The following PRKN variants were observed in gnomAD, a reference collection of about 807,000 sequenced individuals.
The protein encoded by PRKN is parkin RBR E3 ubiquitin protein ligase.
Under a neutral mutation model 59.5 loss-of-function variants are expected in PRKN, and 56 were observed. The ratio of observed to expected loss-of-function variants is 0.94; its 90% CI spans 0.76 to 1.18. The LOEUF is 1.18. Ranked by LOEUF, PRKN falls within the 50% of genes most tolerant of loss-of-function variation. The probability of loss-of-function intolerance (pLI) is 0.00; values close to 1 mark genes in which losing one functional copy is unlikely to be tolerated. For missense variants in PRKN, 657 were observed against 596.4 expected (o/e 1.10, Z -1.06); for synonymous variants, 250 against 222.1 (o/e 1.13, Z -1.12).
chr6:161,734,070 A>G (rs4410712), intron 7 of PRKN, among the ~76,000 whole-genome samples: 14,650 of 151,532 alleles, frequency 0.097, 1,379 homozygotes, highest in African/African-American at 0.24. Context: ...AAGTTTCCCT[A>G]AAGTTCATCT....
At chr6:161,612,034 G>T (rs1490612585) in intron 7 of PRKN, among the ~76,000 whole-genome samples, 2 of 152,196 alleles carry the variant, frequency 1.3e-5, no homozygotes, top group Admixed American at 6.5e-5. Context: ...CCAGAGCAAG[G>T]CCCTCTCTTC....
chr6:162,239,485 G>A (rs1778895209), intron 3 of PRKN, among the ~76,000 whole-genome samples: 1 of 151,916 alleles, frequency 6.6e-6, no homozygotes, highest in East Asian at 1.9e-4. Context: ...TGGTTAAGCG[G>A]CAAGCCCAGA....
chr6:161,842,272 G>A (rs62436136), intron 6 of PRKN, among the ~76,000 whole-genome samples: 3,751 of 151,992 alleles, frequency 0.025, 64 homozygotes, highest in Middle Eastern at 0.045. Flanking sequence ...GCCAAGGCAG[G>A]CACACTTAAG....
chr6:161,656,928 C>T (rs762152470), intron 7 of PRKN, among the ~76,000 whole-genome samples: 22 of 152,154 alleles, frequency 1.4e-4, no homozygotes, highest in African/African-American at 2.2e-4. Context: ...CGAATGTCAA[C>T]GAAGACGGGG....
At chr6:161,965,850 G>A (rs1388495081) in intron 6 of PRKN, among the ~76,000 whole-genome samples, 1 of 152,012 alleles carries the variant, frequency 6.6e-6, no homozygotes, top group Non-Finnish European at 1.5e-5. Context: ...AAAAGACTGT[G>A]GAGACCAAGG....
chr6:161,941,478 A>G (rs949073318), intron 6 of PRKN, among the ~76,000 whole-genome samples: 16 of 152,230 alleles, frequency 1.1e-4, no homozygotes, highest in Non-Finnish European at 1.5e-4. Context: ...GAGCTACTCA[A>G]TAAAACCTCA....
intron 5 of PRKN, among the ~76,000 whole-genome samples, chr6:162,034,028 C>G (rs977982752): frequency 1.3e-4 from 20 of 152,034 alleles, no homozygotes; most frequent in Admixed American, 2.0e-4. Context: ...TATAAACGAT[C>G]TTTGGGAATA....
intron 6 of PRKN, among the ~76,000 whole-genome samples, chr6:161,885,786 G>T (rs1795126829): frequency 6.6e-6 from 1 of 151,790 alleles, no homozygotes; most frequent in African/African-American, 2.4e-5. Context: ...TAAAAATTTT[G>T]AAAATATAAA....
chr6:161,779,129 G>T (rs1458584314), intron 7 of PRKN, among the ~76,000 whole-genome samples: 1 of 151,726 alleles, frequency 6.6e-6, no homozygotes, highest in Non-Finnish European at 1.5e-5. Flanking sequence ...CACTGGACAC[G>T]GGGTTTCACC....
intron 5 of PRKN, among the ~76,000 whole-genome samples, chr6:162,012,612 T>A (rs1237432325): frequency 6.6e-6 from 1 of 152,160 alleles, no homozygotes; most frequent in Non-Finnish European, 1.5e-5. Context: ...ACTGATAGAA[T>A]GCTGTTACCT....
intron 6 of PRKN, among the ~76,000 whole-genome samples, chr6:161,875,746 A>C (rs948697603): frequency 2.0e-5 from 3 of 152,122 alleles, no homozygotes; most frequent in Admixed American, 6.5e-5. Context: ...GACTGTCAGC[A>C]TTCACCTAAC....
At chr6:161,718,502 T>C (rs1787082919) in intron 7 of PRKN, among the ~76,000 whole-genome samples, 1 of 152,108 alleles carries the variant, frequency 6.6e-6, no homozygotes, top group South Asian at 2.1e-4. Context: ...CCAAGGAAAC[T>C]AGTCAATGAA....
At chr6:161,966,548 T>C (rs971088485) in intron 6 of PRKN, among the ~76,000 whole-genome samples, 3 of 152,198 alleles carry the variant, frequency 2.0e-5, no homozygotes, top group African/African-American at 7.2e-5. Context: ...GTAACTTCTA[T>C]TGGAAAGACT....
intron 9 of PRKN, among the ~76,000 whole-genome samples, chr6:161,394,582 T>C (rs916250891): frequency 1.3e-5 from 2 of 152,154 alleles, no homozygotes; most frequent in African/African-American, 4.8e-5. Flanking sequence ...CCAACATCTA[T>C]CATCATGCGC....
rs540101224 is a variant in PRKN, at chr6:161,579,066, G to A, written c.872-9650C>T. Among the ~76,000 whole-genome samples the A allele has an allele frequency of 6.6e-6, 1 of 152,182 alleles. No homozygotes were observed. The highest frequency in any genetic ancestry group is 1.5e-5 in the Non-Finnish European group (1 of 68,032). ...AATGGGAGGCTCTCAGAGTGAAAAGGGATCCTTATCCATTATTTTCTTTCT... is the reference window on the plus strand; with the variant it reads ...AATGGGAGGCTCTCAGAGTGAAAAGAGATCCTTATCCATTATTTTCTTTCT... On this transcript the variant is annotated intron_variant, in intron 7 of 11. Transcript: ENST00000366898. This position sits in a 1 kb window ranked among gnomAD's most constrained non-coding sequence, Gnocchi z 4.2.
At position 161,605,572 on chromosome 6, in the gene PRKN, C is replaced by T. The variant is rs1346385147; in HGVS notation, c.872-36156G>A. ...TGTCACCCAGGATGGAGTGCAGTGGCGCGATCTTGGCTCACTACAAGCTCT... is the reference window on the plus strand; with the variant it reads ...TGTCACCCAGGATGGAGTGCAGTGGTGCGATCTTGGCTCACTACAAGCTCT... On this transcript the variant is annotated intron_variant, in intron 7 of 11. Coordinates refer to ENST00000366898, the MANE Select transcript of PRKN (RefSeq NM_004562.3). Among the ~76,000 whole-genome samples, 10 of 149,680 alleles carry T rather than the reference C, an allele frequency of 6.7e-5. No individual in the cohort carries two copies. In the East Asian group the frequency reaches 8.0e-4, roughly 12 times the overall value.
At chr6:162,049,996 T>C (rs1439455708) in intron 5 of PRKN, among the ~76,000 whole-genome samples, 1 of 152,188 alleles carries the variant, frequency 6.6e-6, no homozygotes, top group Non-Finnish European at 1.5e-5. Flanking sequence ...GTTTCCTTAG[T>C]ACATTTTGAA....
intron 6 of PRKN, among the ~76,000 whole-genome samples, chr6:161,949,727 G>T (rs1224302035): frequency 1.3e-5 from 2 of 152,294 alleles, no homozygotes; most frequent in Non-Finnish European, 2.9e-5. Context: ...TCCTCTTCCA[G>T]GGATGACTAA....
chr6:161,898,133 A>G (rs1347102188), intron 6 of PRKN, among the ~76,000 whole-genome samples: 1 of 152,122 alleles, frequency 6.6e-6, no homozygotes, highest in Non-Finnish European at 1.5e-5. Flanking sequence ...ACTATAATTG[A>G]TACTTGTAAT....
Sources: gnomAD v4.1 joint callset for allele counts (sites outside exome capture counted in the v4.1 genomes callset) on GRCh38, gnomAD v4.1.1 for gene constraint, Gnocchi (gnomAD v3.1) non-coding constraint, MANE v1.5 for transcripts, NCBI Gene and HGNC (gene_info 2026-07-23, HGNC 2026-07-21) for gene names.